Variants in BARX2 observed in about 807,000 individuals in gnomAD.
BARX2 encodes the protein homeobox protein BarH-like 2.
In BARX2, 11 loss-of-function variants were observed where a neutral mutation model predicts 25.5. That is an observed-to-expected ratio of 0.43 (90% CI 0.27 to 0.71). The LOEUF (loss-of-function observed/expected upper bound fraction) is 0.71, where lower values mean the gene tolerates loss of function less well. BARX2 is among the 30% of genes least tolerant of loss of function. The pLI, the probability that BARX2 is intolerant of heterozygous loss-of-function variation, is 0.19. For synonymous variants in BARX2, 137 were observed against 149.5 expected (o/e 0.92, Z 0.61); for missense variants, 360 against 359.9 (o/e 1.00, Z 0.00).
intron 1 of BARX2, among the ~76,000 whole-genome samples, chr11:129,384,211 G>A (rs1054833826): frequency 1.3e-5 from 2 of 151,710 alleles, no homozygotes; most frequent in South Asian, 4.2e-4. Context: ...CTGCCTAGGT[G>A]ATGTCAGATC....
intron 1 of BARX2, among the ~76,000 whole-genome samples, chr11:129,407,365 C>T (rs1861841713): frequency 6.6e-6 from 1 of 152,192 alleles, no homozygotes; most frequent in Non-Finnish European, 1.5e-5. Context: ...ATTAGGGGCT[C>T]ATTTAGTTCT....
In BARX2 at chr11:129,436,797, C is replaced by T; in HGVS notation, c.234C>T (p.Arg78=). The change falls in exon 2 of 4, where the codon CGC becomes CGT. Residue 78 remains arginine (R), a synonymous_variant. Coordinates refer to ENST00000281437, the MANE Select transcript of BARX2 (RefSeq NM_003658.5). This position sits in a 1 kb window ranked among gnomAD's most constrained non-coding sequence, Gnocchi z 4.5. ...RAYPLLSVIT[R]QPTVISHLVP... is the part of the protein sequence containing the mutation. ...ATCCGCTCCTCTCGGTGATCACCCG[C>T]CAGCCCACTGTCATCTCCCACCTGG... 1.9e-6 allele frequency: 3 copies of T among 1,611,960 alleles called. No homozygotes were observed. In the South Asian group the frequency reaches 3.3e-5, roughly 18 times the overall value.
In BARX2 at chr11:129,451,660, G is replaced by A; in HGVS notation, c.*258G>A. The stretch of plus-strand genomic sequence containing the variant: ...TGATTAAGGGAGAGAGCGCCTAGGA[G>A]CTGCCTGCCCCAGCTGGGGTGACGG... On this transcript the variant is annotated 3_prime_UTR_variant, in exon 4 of 4. Coordinates refer to ENST00000281437, the MANE Select transcript of BARX2 (RefSeq NM_003658.5). The A allele has an allele frequency of 4.1e-6, 2 of 486,524 alleles. No individual in the cohort carries two copies. Among genetic ancestry groups the A allele is most frequent in the Admixed American group, 3.5e-5 (1 of 28,712 alleles). 30.1% of individuals were successfully genotyped at this position (486,524 alleles called of 1,614,324 possible). A position where few individuals can be genotyped will look rare whatever the true frequency, so the allele number is the denominator to read the frequency against.
At chr11:129,417,629 G>T (rs879777485) in intron 1 of BARX2, among the ~76,000 whole-genome samples, 2 of 152,202 alleles carry the variant, frequency 1.3e-5, no homozygotes, top group African/African-American at 4.8e-5. Context: ...CTGTTGGAGG[G>T]GTGTAGGTCT....
chr11:129,437,006 TG>T lies in BARX2; in HGVS notation c.445del (p.Glu149ArgfsTer29). 1 of 1,596,696 alleles carries T rather than the reference TG, an allele frequency of 6.3e-7. No individual in the cohort carries two copies. The highest frequency in any genetic ancestry group is 8.6e-7 in the Non-Finnish European group (1 of 1,168,828). On this transcript the variant is annotated frameshift_variant, in exon 2 of 4. Coordinates refer to ENST00000281437, the MANE Select transcript of BARX2 (RefSeq NM_003658.5). LOFTEE classifies it high-confidence loss of function. ...TTCACCGAGCTGCAGCTCATGGGCC[TG>T]GAGAAGAAATTCCAGAAGCAGAAGT... ...TIFTELQLMG[L>X]EKKFQKQKYL... is the part of the protein sequence containing the mutation.
At chr11:129,405,416 T>C (rs116761127) in intron 1 of BARX2, among the ~76,000 whole-genome samples, 4,031 of 152,292 alleles carry the variant, frequency 0.026, 76 homozygotes, top group African/African-American at 0.039. Flanking sequence ...TCCCCTCACA[T>C]AGGCATGGGG....
intron 3 of BARX2, among the ~76,000 whole-genome samples, chr11:129,446,933 A>G (rs185729082): frequency 6.6e-6 from 1 of 152,324 alleles, no homozygotes; most frequent in Admixed American, 6.5e-5. Context: ...AGAAAAAGGA[A>G]CAAAGATCAC....
rs545209947 is a variant in BARX2, at chr11:129,439,951, T to TG, written c.489-2880dup. On this transcript the variant is annotated intron_variant, in intron 2 of 3. Transcript: ENST00000281437. Reference sequence around the variant, plus strand: ...AAATATTAGTTCTTCTTAAACCTCCTGGGGCTCCCTGATACCTGCCCAGGC... The same window carrying TG: ...AAATATTAGTTCTTCTTAAACCTCCTGGGGGCTCCCTGATACCTGCCCAGGC... 1.6e-4 allele frequency among the ~76,000 whole-genome samples: 24 copies of TG among 152,240 alleles called. No homozygotes were observed. In the East Asian group the frequency reaches 4.4e-3, roughly 28 times the overall value.
intron 1 of BARX2, among the ~76,000 whole-genome samples, chr11:129,380,683 A>ATCCCCGTG (rs1415532638): frequency 2.0e-5 from 3 of 152,202 alleles, no homozygotes; most frequent in Admixed American, 6.5e-5. Flanking sequence ...GGGTAAATAA[A>ATCCCCGTG]TAGAGGGATG....
At chr11:129,389,858 A>G (rs1861650645) in intron 1 of BARX2, among the ~76,000 whole-genome samples, 1 of 152,070 alleles carries the variant, frequency 6.6e-6, no homozygotes, top group Middle Eastern at 3.2e-3. Context: ...TCACTTTCCT[A>G]GTATATTATT....
rs1862189449 is a variant in BARX2 at position 129,436,421 on chromosome 11, A to C, written c.188-330A>C. On this transcript the variant is annotated intron_variant, in intron 1 of 3. Transcript: ENST00000281437. This position sits in a 1 kb window ranked among gnomAD's most constrained non-coding sequence, Gnocchi z 4.5. ...AAATATGTGTCTCTAGCTTTTCCTG[A>C]CTACTTCTTTTCATCTGCCTGGTCC... 6.3e-6 allele frequency: 2 copies of C among 319,444 alleles called. No homozygotes were observed. Among genetic ancestry groups the C allele is most frequent in the Non-Finnish European group, 5.7e-6 (1 of 175,694 alleles). 19.8% of individuals were successfully genotyped at this position (319,444 alleles called of 1,614,324 possible). A position where few individuals can be genotyped will look rare whatever the true frequency, so the allele number is the denominator to read the frequency against.
intron 1 of BARX2, among the ~76,000 whole-genome samples, chr11:129,388,701 ATC>A (rs894806141): frequency 6.6e-6 from 1 of 152,176 alleles, no homozygotes; most frequent in African/African-American, 2.4e-5. Context: ...GATTCTGGGA[ATC>A]TCTATTTTTA....
chr11:129,423,776 T>C (rs1426905801), intron 1 of BARX2, among the ~76,000 whole-genome samples: 1 of 152,234 alleles, frequency 6.6e-6, no homozygotes, highest in Non-Finnish European at 1.5e-5. Context: ...GTCTCTTCTA[T>C]TGATGATTTC....
intron 1 of BARX2, among the ~76,000 whole-genome samples, chr11:129,432,866 C>T (rs762985383): frequency 2.6e-5 from 4 of 152,192 alleles, no homozygotes; most frequent in African/African-American, 7.2e-5. Flanking sequence ...GGCTTTCCTA[C>T]TGCTTCTCTG....
chr11:129,388,354 G>A (rs112653031), intron 1 of BARX2, among the ~76,000 whole-genome samples: 2,651 of 152,176 alleles, frequency 0.017, 101 homozygotes, highest in Admixed American at 0.086. Context: ...CCATCTGGCT[G>A]TGTGACTCTC....
In BARX2 at chr11:129,452,041, G is replaced by A. The variant is rs990963023; in HGVS notation, c.*639G>A. 1 of 148,466 alleles carries A rather than the reference G, an allele frequency of 6.7e-6. No individual in the cohort carries two copies. The highest frequency in any genetic ancestry group is 1.5e-5 in the Non-Finnish European group (1 of 67,238). The allele number at this position is 148,466 out of a possible 1,614,324, so 9.2% of individuals were successfully genotyped here. On this transcript the variant is annotated 3_prime_UTR_variant, in exon 4 of 4. Coordinates refer to ENST00000281437, the MANE Select transcript of BARX2 (RefSeq NM_003658.5). ...ACTGATAAGCTTTGGTTTTTTTTTTGTTTTGTTTTGTTTTTTGCTTCATTT... is the reference window on the plus strand; with the variant it reads ...ACTGATAAGCTTTGGTTTTTTTTTTATTTTGTTTTGTTTTTTGCTTCATTT...
intron 1 of BARX2, among the ~76,000 whole-genome samples, chr11:129,380,162 C>T (rs1360669502): frequency 6.6e-6 from 1 of 152,048 alleles, no homozygotes; most frequent in African/African-American, 2.4e-5. Flanking sequence ...GAAGACTTTT[C>T]CAACTTGGTT....
intron 1 of BARX2, among the ~76,000 whole-genome samples, chr11:129,431,443 C>T (rs1026081203): frequency 1.3e-5 from 2 of 152,168 alleles, no homozygotes; most frequent in Non-Finnish European, 2.9e-5. Context: ...TGCTCCACAT[C>T]CTCACCAGCA....
Position 129,451,235 on chromosome 11 carries a change from A to T in BARX2, c.673A>T (p.Asn225Tyr). The change falls in exon 4 of 4, where the codon AAC becomes TAC. Residue 225 changes from asparagine (N) to tyrosine (Y), a missense_variant. By Grantham distance (143) the Asn-to-Tyr change is moderately radical. This residue lies in a region of BARX2 where 114 missense variants were observed against 109.4 expected (regional missense o/e 1.04). Coordinates refer to ENST00000281437, the MANE Select transcript of BARX2 (RefSeq NM_003658.5). ...SEEIEAEEKM[N>Y]SQAQGQEQLE... ...AGAGATTGAAGCTGAAGAGAAGATGAACAGCCAGGCCCAGGGTCAGGAGCA... is the reference window on the plus strand; with the variant it reads ...AGAGATTGAAGCTGAAGAGAAGATGTACAGCCAGGCCCAGGGTCAGGAGCA... The T allele has an allele frequency of 6.2e-7, 1 of 1,614,184 alleles. No individual in the cohort carries two copies. Among genetic ancestry groups the T allele is most frequent in the African/African-American group, 1.3e-5 (1 of 75,048 alleles).
Sources: allele counts gnomAD v4.1 joint callset (sites outside exome capture counted in the v4.1 genomes callset), GRCh38; gene constraint gnomAD v4.1.1; regional missense constraint gnomAD v4.1.1; non-coding constraint Gnocchi (gnomAD v3.1); transcripts MANE v1.5; gene names NCBI Gene and HGNC (gene_info 2026-07-23, HGNC 2026-07-21).